GAS2: variants seen among roughly 807,000 people sequenced by gnomAD.
The protein encoded by GAS2 is growth arrest-specific protein 2.
GAS2 carries 20 observed loss-of-function variants against 37.5 expected under a neutral mutation model. The observed-to-expected ratio is 0.53, with a 90% CI of 0.37 to 0.77. The LOEUF (loss-of-function observed/expected upper bound fraction) is 0.77. Ranked by LOEUF, GAS2 falls within the 30% of genes least tolerant of loss-of-function variation. The pLI is 0.00. For missense variants in GAS2, 336 were observed against 373.4 expected, an observed-to-expected ratio of 0.90 and a Z score of 0.82; for synonymous variants, 144 against 132.2, an observed-to-expected ratio of 1.09 and a Z score of -0.61.
intron 5 of GAS2, among the ~76,000 whole-genome samples, chr11:22,748,337 T>A (rs1325244242): frequency 3.3e-5 from 5 of 152,022 alleles, no homozygotes; most frequent in African/African-American, 1.2e-4. Context: ...GAATTATTAT[T>A]GGCCTCCCCC....
At chr11:22,653,904 G>A (rs1014594924) in intron 1 of GAS2, among the ~76,000 whole-genome samples, 33 of 152,142 alleles carry the variant, frequency 2.2e-4, no homozygotes, top group African/African-American at 8.0e-4. Context: ...CACTCTTAGG[G>A]CCCTCCTTTA....
chr11:22,742,365 G>A (rs11026764), intron 5 of GAS2, among the ~76,000 whole-genome samples: 21,213 of 151,990 alleles, frequency 0.14, 1,655 homozygotes, highest in East Asian at 0.2. Flanking sequence ...AATGTGGAGT[G>A]GTATAGAGTT....
chr11:22,701,876 G>A (rs1450851823), intron 3 of GAS2, among the ~76,000 whole-genome samples: 2 of 152,040 alleles, frequency 1.3e-5, no homozygotes, highest in Non-Finnish European at 2.9e-5. Context: ...GTTGCAAGAA[G>A]TCACAGGTCT....
At chr11:22,684,349 T>C (rs1006914552) in intron 2 of GAS2, among the ~76,000 whole-genome samples, 1 of 152,140 alleles carries the variant, frequency 6.6e-6, no homozygotes, top group Non-Finnish European at 1.5e-5. Flanking sequence ...GCAGTGAGCA[T>C]GGTATGTATT....
chr11:22,782,703 C>T (rs1330290008), intron 7 of GAS2, among the ~76,000 whole-genome samples: 1 of 149,796 alleles, frequency 6.7e-6, no homozygotes, highest in Non-Finnish European at 1.5e-5. Flanking sequence ...AGGGTAATGG[C>T]CTCCAGCTGC....
chr11:22,685,263 A>C (rs530457884), intron 2 of GAS2, among the ~76,000 whole-genome samples: 1 of 152,330 alleles, frequency 6.6e-6, no homozygotes, highest in African/African-American at 2.4e-5. Context: ...TGTGGGTCAA[A>C]GTAATTGAAT....
At chr11:22,797,503 TAAAG>T (rs1856485456) in intron 7 of GAS2, among the ~76,000 whole-genome samples, 2 of 152,014 alleles carry the variant, frequency 1.3e-5, no homozygotes, top group African/African-American at 4.8e-5. Context: ...ACCCTTCAAA[TAAAG>T]ATTTGAGGAT....
In GAS2 at chr11:22,641,042, T is replaced by G. The variant is rs1482827918; in HGVS notation, c.-21+15229T>G. 2.6e-5 allele frequency among the ~76,000 whole-genome samples: 4 copies of G among 151,534 alleles called. No individual in the cohort carries two copies. In the East Asian group the frequency reaches 7.8e-4, roughly 29 times the overall value. On this transcript the variant is annotated intron_variant, in intron 1 of 5. Transcript: ENST00000528582. ...CTCTGCGCAGAGGAGTGAACTGAGC[T>G]TTACTGACTGTTTGAGGCCTTGTTC...
At chr11:22,731,702 G>A (rs189264214) in intron 4 of GAS2, among the ~76,000 whole-genome samples, 1 of 151,826 alleles carries the variant, frequency 6.6e-6, no homozygotes, top group African/African-American at 2.4e-5. Context: ...CTGCCTTTAA[G>A]TGTTTGATAA....
At chr11:22,671,255 T>C (rs1849189473) in intron 1 of GAS2, among the ~76,000 whole-genome samples, 1 of 152,140 alleles carries the variant, frequency 6.6e-6, no homozygotes, top group Non-Finnish European at 1.5e-5. Flanking sequence ...GGATTTAGTA[T>C]TAAGTTTCTG....
At chr11:22,627,338 G>A (rs929884902) in intron 1 of GAS2, among the ~76,000 whole-genome samples, 7 of 152,200 alleles carry the variant, frequency 4.6e-5, no homozygotes, top group African/African-American at 1.7e-4. Flanking sequence ...AATAAATGCA[G>A]TCCTAGCATG....
intron 3 of GAS2, among the ~76,000 whole-genome samples, chr11:22,704,624 T>TATATATATATATATATATATATA (rs1565098343): frequency 5.0e-5 from 7 of 140,506 alleles, no homozygotes; most frequent in South Asian, 4.5e-4. Flanking sequence ...TATATATATA[T>TATATATATATATATATATATATA]TTTGCTCATC....
At chr11:22,764,524 TG>T in intron 7 of GAS2, among the ~76,000 whole-genome samples, 1 of 132,604 alleles carries the variant, frequency 7.5e-6, no homozygotes, top group Non-Finnish European at 1.5e-5. Context: ...ATCTCGCCGC[TG>T]CACTCCAGCC....
intron 1 of GAS2, among the ~76,000 whole-genome samples, chr11:22,668,751 T>C (rs1299582532): frequency 6.6e-6 from 1 of 152,218 alleles, no homozygotes; most frequent in Non-Finnish European, 1.5e-5. Flanking sequence ...AGGGAAACTT[T>C]GGAAAACTAA....
intron 1 of GAS2, among the ~76,000 whole-genome samples, chr11:22,657,107 G>A (rs1471257990): frequency 1.3e-5 from 2 of 152,212 alleles, no homozygotes; most frequent in East Asian, 3.8e-4. Flanking sequence ...AGAAAGCTAA[G>A]TGGTCAGTCT....
intron 7 of GAS2, among the ~76,000 whole-genome samples, chr11:22,799,548 C>G (rs1856570198): frequency 6.6e-6 from 1 of 152,020 alleles, no homozygotes; most frequent in Admixed American, 6.6e-5. Flanking sequence ...TTATGCAATT[C>G]CTGTTATAGC....
chr11:22,806,273 G>A (rs968652531), intron 7 of GAS2, among the ~76,000 whole-genome samples: 1 of 152,070 alleles, frequency 6.6e-6, no homozygotes, highest in African/African-American at 2.4e-5. Flanking sequence ...GCAAACAACA[G>A]GATTTTCTTC....
intron 3 of GAS2, among the ~76,000 whole-genome samples, chr11:22,701,451 C>T (rs1474043920): frequency 6.6e-6 from 1 of 152,016 alleles, no homozygotes; most frequent in Non-Finnish European, 1.5e-5. Context: ...AGATAGAATA[C>T]TCTCAAGGAG....
At chr11:22,759,549 T>C (rs1564874899) in intron 7 of GAS2, among the ~76,000 whole-genome samples, 1 of 152,218 alleles carries the variant, frequency 6.6e-6, no homozygotes, top group Non-Finnish European at 1.5e-5. Flanking sequence ...AGAGCAACAT[T>C]GTTTTTTTGA....
Sources: gnomAD v4.1 joint callset for allele counts (sites outside exome capture counted in the v4.1 genomes callset) on GRCh38, gnomAD v4.1.1 for gene constraint, MANE v1.5 for transcripts, NCBI Gene and HGNC (gene_info 2026-07-23, HGNC 2026-07-21) for gene names.